FSTL5: variants seen among roughly 807,000 people sequenced by gnomAD.
FSTL5 encodes the protein follistatin like 5, also known as follistatin-related protein 5.
Under a neutral mutation model 89.1 loss-of-function variants are expected in FSTL5, and 62 were observed. That is an observed-to-expected ratio of 0.70 (90% CI 0.57 to 0.86). The LOEUF is 0.86. Among genes scored for constraint, FSTL5 ranks in the 40% least tolerant of loss-of-function variants. The pLI is 0.00. For missense variants in FSTL5, 1,057 were observed against 1,001.6 expected, an observed-to-expected ratio of 1.06 and a Z score of -0.75; for synonymous variants, 383 against 346.2, an observed-to-expected ratio of 1.11 and a Z score of -1.18.
At chr4:161,651,581 T>A (rs183176858) in intron 7 of FSTL5, among the ~76,000 whole-genome samples, 83 of 152,302 alleles carry the variant, frequency 5.4e-4, no homozygotes, top group Non-Finnish European at 1.0e-4. Context: ...AATGCAGATG[T>A]CGTTTCATAG....
chr4:162,092,971 A>G (rs1730608418), intron 2 of FSTL5, among the ~76,000 whole-genome samples: 1 of 142,134 alleles, frequency 7.0e-6, no homozygotes, highest in Admixed American at 7.1e-5. Context: ...AAAAAAAAAA[A>G]GAAAGATAGC....
chr4:162,163,752 A>G lies in FSTL5; in HGVS notation c.-154T>C, dbSNP rs1394058439. 1 of 151,972 alleles carries G rather than the reference A, an allele frequency of 6.6e-6. No homozygotes were observed. The highest frequency in any genetic ancestry group is 1.5e-5 in the Non-Finnish European group (1 of 67,988). The allele number at this position is 151,972 out of a possible 1,614,324, so 9.4% of individuals were successfully genotyped here. A position where few individuals can be genotyped will look rare whatever the true frequency, so the allele number is the denominator to read the frequency against. On this transcript the variant is annotated 5_prime_UTR_variant, in exon 1 of 16. Coordinates refer to ENST00000306100, the MANE Select transcript of FSTL5 (RefSeq NM_020116.5). ...AATAGTTTGGTCTAAAACTATAGAA[A>G]TCTCCAAAGTCACGCCTGAATGAGC...
At chr4:161,703,763 T>G (rs1738479849) in intron 6 of FSTL5, among the ~76,000 whole-genome samples, 3 of 152,244 alleles carry the variant, frequency 2.0e-5, no homozygotes, top group South Asian at 2.1e-4. Flanking sequence ...GTCATAAAAT[T>G]TATTAATTTT....
intron 2 of FSTL5, among the ~76,000 whole-genome samples, chr4:162,036,122 T>C (rs1355310859): frequency 1.3e-5 from 2 of 152,114 alleles, no homozygotes; most frequent in Non-Finnish European, 2.9e-5. Flanking sequence ...TCGTCTAATC[T>C]CTTAGCCTTA....
chr4:161,917,782 A>G (rs1397625851), intron 4 of FSTL5, among the ~76,000 whole-genome samples: 1 of 152,172 alleles, frequency 6.6e-6, no homozygotes, highest in Non-Finnish European at 1.5e-5. Context: ...TAGCATTTAG[A>G]GGCCATAAAA....
At chr4:161,624,776 T>C (rs1440225816) in intron 7 of FSTL5, among the ~76,000 whole-genome samples, 1 of 152,150 alleles carries the variant, frequency 6.6e-6, no homozygotes, top group Non-Finnish European at 1.5e-5. Flanking sequence ...CCTTTTCTAA[T>C]ATATTTTTGC....
intron 4 of FSTL5, among the ~76,000 whole-genome samples, chr4:161,917,483 A>G (rs979185112): frequency 1.3e-4 from 20 of 152,132 alleles, no homozygotes; most frequent in African/African-American, 4.8e-4. Context: ...TTTCTCTTAA[A>G]GATAATATTT....
At chr4:161,405,284 T>C (rs1011860017) in intron 15 of FSTL5, among the ~76,000 whole-genome samples, 1 of 142,032 alleles carries the variant, frequency 7.0e-6, no homozygotes, top group Non-Finnish European at 1.5e-5. Flanking sequence ...AAAACATGGA[T>C]CAAAGAACAA....
intron 12 of FSTL5, among the ~76,000 whole-genome samples, chr4:161,485,028 A>G (rs1198285249): frequency 2.6e-5 from 4 of 152,208 alleles, no homozygotes; most frequent in Non-Finnish European, 4.4e-5. Context: ...TGACAAGTAA[A>G]CATTATATGA....
chr4:161,999,977 A>G (rs772679375), intron 3 of FSTL5, among the ~76,000 whole-genome samples: 1 of 152,204 alleles, frequency 6.6e-6, no homozygotes, highest in African/African-American at 2.4e-5. Flanking sequence ...CAGGTATCAT[A>G]TAAGGTCAGC....
intron 15 of FSTL5, among the ~76,000 whole-genome samples, chr4:161,454,723 T>G (rs1733287562): frequency 6.6e-6 from 1 of 152,174 alleles, no homozygotes; most frequent in Admixed American, 6.5e-5. Flanking sequence ...AAGAAAAATC[T>G]TAATGACAAT....
At chr4:161,720,799 A>T (rs1330083990) in intron 6 of FSTL5, among the ~76,000 whole-genome samples, 1 of 152,200 alleles carries the variant, frequency 6.6e-6, no homozygotes, top group East Asian at 1.9e-4. Flanking sequence ...CACTTATAAG[A>T]CAAACCCAAA....
Position 161,640,497 on chromosome 4 carries a change from A to G in FSTL5, c.894+15831T>C, listed in dbSNP as rs190105709. On this transcript the variant is annotated intron_variant, in intron 7 of 15. Transcript: ENST00000306100. ...AATAGAAACCAGAAAAAAATTCTGGAGCTGAAAATATAGCAACTAAAATGA... is the reference window on the plus strand; with the variant it reads ...AATAGAAACCAGAAAAAAATTCTGGGGCTGAAAATATAGCAACTAAAATGA... Among the ~76,000 whole-genome samples the G allele has an allele frequency of 3.9e-4, 59 of 152,312 alleles. 1 individual carries two copies. The highest frequency in any genetic ancestry group is 1.3e-3 in the African/African-American group (56 of 41,582).
chr4:162,061,775 G>C (rs543980894), intron 2 of FSTL5, among the ~76,000 whole-genome samples: 1 of 152,228 alleles, frequency 6.6e-6, no homozygotes, highest in Admixed American at 6.6e-5. Context: ...GATGATTCAT[G>C]CTTAAGCACA....
At chr4:161,622,553 A>ATG (rs917581688) in intron 7 of FSTL5, among the ~76,000 whole-genome samples, 11 of 151,750 alleles carry the variant, frequency 7.2e-5, no homozygotes, top group Admixed American at 5.3e-4. Context: ...TTATTTACAT[A>ATG]TGTGTATATA....
intron 7 of FSTL5, among the ~76,000 whole-genome samples, chr4:161,624,206 A>G (rs1735232255): frequency 6.6e-6 from 1 of 152,044 alleles, no homozygotes; most frequent in Admixed American, 6.6e-5. Flanking sequence ...GGACCTCTGC[A>G]CTGTACTGAC....
intron 2 of FSTL5, among the ~76,000 whole-genome samples, chr4:162,079,301 A>G (rs1729992056): frequency 6.6e-6 from 1 of 151,720 alleles, no homozygotes; most frequent in South Asian, 2.1e-4. Flanking sequence ...CAGCATGTCT[A>G]CATGTCTATT....
chr4:162,038,225 A>G (rs1191638369), intron 2 of FSTL5, among the ~76,000 whole-genome samples: 1 of 151,914 alleles, frequency 6.6e-6, no homozygotes, highest in Admixed American at 6.6e-5. Flanking sequence ...AAATAATAGC[A>G]AACTATTCGT....
At chr4:161,641,499 G>GTT (rs1267858707) in intron 7 of FSTL5, among the ~76,000 whole-genome samples, 1 of 144,628 alleles carries the variant, frequency 6.9e-6, no homozygotes, top group African/African-American at 2.5e-5. Context: ...GGGTTTTTTT[G>GTT]TTTTGTTTTG....
Sources: gnomAD v4.1 joint callset for allele counts (sites outside exome capture counted in the v4.1 genomes callset) on GRCh38, gnomAD v4.1.1 for gene constraint, MANE v1.5 for transcripts, NCBI Gene and HGNC (gene_info 2026-07-23, HGNC 2026-07-21) for gene names.